The following SHISA6 variants were observed in gnomAD, a reference collection of about 807,000 sequenced individuals.
SHISA6 encodes the protein protein shisa-6.
A neutral mutation model predicts 47.9 loss-of-function variants in SHISA6; 22 were observed. That is an observed-to-expected ratio of 0.46 (90% confidence interval 0.33 to 0.66). The LOEUF is 0.66. Ranked by LOEUF, SHISA6 falls within the 30% of genes least tolerant of loss-of-function variation. The probability of loss-of-function intolerance (pLI) is 0.02; values close to 1 mark genes in which losing one functional copy is unlikely to be tolerated. For missense variants in SHISA6, 680 were observed against 764.6 expected (o/e 0.89, Z 1.30); for synonymous variants, 388 against 337.8 (o/e 1.15, Z -1.63).
chr17:11,426,665 G>T (rs918074673), intron 3 of SHISA6, among the ~76,000 whole-genome samples: 1 of 152,144 alleles, frequency 6.6e-6, no homozygotes, highest in Non-Finnish European at 1.5e-5. Context: ...AACTTAATAC[G>T]TCTAGATAAA....
At chr17:11,514,326 G>A (rs1263671558) in intron 3 of SHISA6, among the ~76,000 whole-genome samples, 1 of 152,142 alleles carries the variant, frequency 6.6e-6, no homozygotes, top group African/African-American at 2.4e-5. Context: ...GACTTCCTAT[G>A]TTTCAAGTAT....
At chr17:11,451,601 A>G (rs1211200631) in intron 3 of SHISA6, among the ~76,000 whole-genome samples, 1 of 152,222 alleles carries the variant, frequency 6.6e-6, no homozygotes, top group Non-Finnish European at 1.5e-5. Context: ...GTGGTTGGAC[A>G]GGACCTCTCC....
intron 2 of SHISA6, among the ~76,000 whole-genome samples, chr17:11,330,692 C>G (rs965923043): frequency 1.3e-5 from 2 of 152,224 alleles, no homozygotes; most frequent in African/African-American, 4.8e-5. Context: ...TAAAAAGATC[C>G]ATGCGTGAAG....
At position 11,407,491 on chromosome 17, in the gene SHISA6, T is replaced by C. The variant is rs551556092; in HGVS notation, c.895+27982T>C. ...GTAGCAGTCCTCAAAGTTTAGCATA[T>C]TGTTTTTTTTTTCCTTTTTCTCTCT... On this transcript the variant is annotated intron_variant, in intron 3 of 5. Transcript: ENST00000441885. Among the ~76,000 whole-genome samples, 34 of 103,618 alleles carry C rather than the reference T, an allele frequency of 3.3e-4. No individual in the cohort carries two copies. The East Asian group carries it at 7.0e-3, about 21-fold the overall frequency. The allele number at this position is 103,618 out of a possible 152,430, so 68.0% of individuals were successfully genotyped here.
chr17:11,553,468 T>A (rs759125713), intron 4 of SHISA6, among the ~76,000 whole-genome samples: 6 of 152,182 alleles, frequency 3.9e-5, no homozygotes, highest in Non-Finnish European at 8.8e-5. Flanking sequence ...CTTCTCTTCC[T>A]GTCTTCTTTT....
At chr17:11,475,015 T>G (rs1916020506) in intron 3 of SHISA6, among the ~76,000 whole-genome samples, 1 of 152,206 alleles carries the variant, frequency 6.6e-6, no homozygotes. Flanking sequence ...TGTGATTTTT[T>G]TAAGCAGAGT....
At chr17:11,366,466 C>T (rs1481453772) in intron 2 of SHISA6, among the ~76,000 whole-genome samples, 8 of 152,184 alleles carry the variant, frequency 5.3e-5, no homozygotes, top group Non-Finnish European at 7.3e-5. Flanking sequence ...TGTAATATGA[C>T]GCCTTGGAAG....
chr17:11,390,353 C>A (rs1264231959), intron 3 of SHISA6, among the ~76,000 whole-genome samples: 1 of 152,252 alleles, frequency 6.6e-6, no homozygotes, highest in East Asian at 1.9e-4. Flanking sequence ...AGGAGAAACA[C>A]CTGCACCAGA....
At chr17:11,438,247 A>C (rs1914994404) in intron 3 of SHISA6, among the ~76,000 whole-genome samples, 1 of 152,186 alleles carries the variant, frequency 6.6e-6, no homozygotes, top group Admixed American at 6.5e-5. Flanking sequence ...CCATGTTTGC[A>C]TCCTCACTTT....
intron 3 of SHISA6, among the ~76,000 whole-genome samples, chr17:11,472,098 C>G (rs1475190069): frequency 6.6e-6 from 1 of 152,062 alleles, no homozygotes; most frequent in African/African-American, 2.4e-5. Flanking sequence ...CTGTTCATCC[C>G]CCGTTTTCCC....
intron 3 of SHISA6, among the ~76,000 whole-genome samples, chr17:11,411,132 C>T (rs1172273597): frequency 6.6e-6 from 1 of 151,604 alleles, no homozygotes; most frequent in Non-Finnish European, 1.5e-5. Flanking sequence ...CCACGCCCGG[C>T]TAATTTTTTG....
chr17:11,543,349 T>C lies in SHISA6; in HGVS notation c.896-8547T>C, dbSNP rs182452600. On this transcript the variant is annotated intron_variant, in intron 3 of 5. Transcript: ENST00000441885. ...CTGTTGGAACAAAGTTTCTACATTC[T>C]ACTGGAATTAGTTAATTCTGAGGAT... Among the ~76,000 whole-genome samples, 18 of 152,324 alleles carry C rather than the reference T, an allele frequency of 1.2e-4. No homozygotes were observed. In the East Asian group the frequency reaches 2.7e-3, roughly 23 times the overall value.
rs532802502 is a variant in SHISA6 at position 11,388,424 on chromosome 17, C to A, written c.895+8915C>A. Reference sequence around the variant, plus strand: ...CAGAGAGGAACTCTCGGGTTCTGGGCTGAGGGCACCAAAGATCTCAGCTGA... The same window carrying A: ...CAGAGAGGAACTCTCGGGTTCTGGGATGAGGGCACCAAAGATCTCAGCTGA... On this transcript the variant is annotated intron_variant, in intron 3 of 5. Coordinates refer to ENST00000441885, the MANE Select transcript of SHISA6 (RefSeq NM_207386.4). Among the ~76,000 whole-genome samples the A allele has an allele frequency of 1.4e-4, 22 of 152,162 alleles. No individual in the cohort carries two copies. In the South Asian group the frequency reaches 4.6e-3, roughly 32 times the overall value.
At chr17:11,391,083 T>G (rs906033014) in intron 3 of SHISA6, among the ~76,000 whole-genome samples, 1 of 152,094 alleles carries the variant, frequency 6.6e-6, no homozygotes, top group African/African-American at 2.4e-5. Context: ...GGGCTGAGAA[T>G]AGGGCAGGGC....
chr17:11,299,235 G>A (rs765056804), intron 2 of SHISA6, among the ~76,000 whole-genome samples: 7 of 152,110 alleles, frequency 4.6e-5, no homozygotes, highest in Non-Finnish European at 7.4e-5. Flanking sequence ...CAGTTGGATC[G>A]GAATAATCAT....
chr17:11,264,778 C>A (rs1287685200), intron 2 of SHISA6, among the ~76,000 whole-genome samples: 1 of 152,122 alleles, frequency 6.6e-6, no homozygotes, highest in Non-Finnish European at 1.5e-5. Context: ...CTTTAATTTT[C>A]TTAAATTTAT....
At chr17:11,555,644 A>G in intron 4 of SHISA6, 96 bp from the exon 5 acceptor site, 1 of 1,352,458 alleles carries the variant, frequency 7.4e-7, no homozygotes, top group Admixed American at 3.0e-5. Context: ...GGTCCAGGAA[A>G]GGAGGATGGG....
At chr17:11,423,344 T>C (rs947367370) in intron 3 of SHISA6, among the ~76,000 whole-genome samples, 59 of 148,750 alleles carry the variant, frequency 4.0e-4, no homozygotes, top group Non-Finnish European at 6.5e-4. Flanking sequence ...GATAGATAGA[T>C]AGATAGATAG....
chr17:11,507,918 G>A (rs1056880585), intron 3 of SHISA6, among the ~76,000 whole-genome samples: 2 of 152,120 alleles, frequency 1.3e-5, no homozygotes, highest in African/African-American at 4.8e-5. Flanking sequence ...TAAGACATAT[G>A]TCCCCTCCCA....
Sources: gnomAD v4.1 joint callset for allele counts (sites outside exome capture counted in the v4.1 genomes callset) on GRCh38, gnomAD v4.1.1 for gene constraint, MANE v1.5 for transcripts, NCBI Gene and HGNC (gene_info 2026-07-23, HGNC 2026-07-21) for gene names.